DLC1: variants seen among roughly 807,000 people sequenced by gnomAD.
DLC1 encodes the protein DLC1 Rho GTPase activating protein.
DLC1 carries 54 observed loss-of-function variants against 140.3 expected under a neutral mutation model. That is an observed-to-expected ratio of 0.38 (90% CI 0.31 to 0.48). The LOEUF is 0.48. Ranked by LOEUF, DLC1 falls within the 20% of genes least tolerant of loss-of-function variation. The pLI is 0.96. For synonymous variants in DLC1, 986 were observed against 728.1 expected (o/e 1.35, Z -5.70); for missense variants, 2,536 against 1,907.0 (o/e 1.33, Z -6.14).
At chr8:13,365,318 A>T (rs1835429084) in intron 4 of DLC1, among the ~76,000 whole-genome samples, 1 of 152,158 alleles carries the variant, frequency 6.6e-6, no homozygotes, top group South Asian at 2.1e-4. Context: ...GCTTACTATT[A>T]TCTAAGGTGC....
chr8:13,084,756 G>C lies in DLC1; in HGVS notation c.*1055C>G, dbSNP rs1817416256. 6.6e-6 allele frequency: 1 copy of C among 152,148 alleles called. No homozygotes were observed. The highest frequency in any genetic ancestry group is 2.4e-5 in the African/African-American group (1 of 41,436). The allele number at this position is 152,148 out of a possible 1,614,324, so 9.4% of individuals were successfully genotyped here. A position where few individuals can be genotyped will look rare whatever the true frequency, so the allele number is the denominator to read the frequency against. ...GTTAACAACCAAAGGCGGGGAAAAA[G>C]CCTTTTGTAGGTGAGTTAAATTTAC... On this transcript the variant is annotated 3_prime_UTR_variant, in exon 18 of 18. Coordinates refer to ENST00000276297, the MANE Select transcript of DLC1 (RefSeq NM_182643.3).
chr8:13,322,878 C>A (rs182392272), intron 4 of DLC1, among the ~76,000 whole-genome samples: 1 of 151,928 alleles, frequency 6.6e-6, no homozygotes, highest in East Asian at 1.9e-4. Flanking sequence ...TGATGGTATG[C>A]GACTTCTGAC....
chr8:13,401,991 G>C (rs969686738), intron 2 of DLC1, among the ~76,000 whole-genome samples: 1 of 151,994 alleles, frequency 6.6e-6, no homozygotes, highest in African/African-American at 2.4e-5. Flanking sequence ...ATAATTATTT[G>C]TGGCTAGACA....
chr8:13,443,663 A>T (rs1798643927), intron 2 of DLC1, among the ~76,000 whole-genome samples: 1 of 151,544 alleles, frequency 6.6e-6, no homozygotes, highest in African/African-American at 2.4e-5. Context: ...GTCTCAAAAA[A>T]AAAAAAAAAA....
chr8:13,199,207 C>G (rs1827240763), intron 5 of DLC1, among the ~76,000 whole-genome samples: 1 of 98,660 alleles, frequency 1.0e-5, no homozygotes, highest in African/African-American at 4.1e-5. Context: ...TTTTTTGAGA[C>G]AAGATCTTGC....
At chr8:13,282,785 T>A (rs562675787) in intron 5 of DLC1, among the ~76,000 whole-genome samples, 1 of 152,220 alleles carries the variant, frequency 6.6e-6, no homozygotes, top group Admixed American at 6.5e-5. Context: ...TGCTTTAAAA[T>A]TGTGGTTATT....
At chr8:13,542,841 T>A (rs945689984) in intron 1 of DLC1, among the ~76,000 whole-genome samples, 4 of 152,154 alleles carry the variant, frequency 2.6e-5, no homozygotes, top group Non-Finnish European at 5.9e-5. Flanking sequence ...GTTAAATCAG[T>A]TATTGGTTCT....
chr8:13,589,628 A>T (rs73212172), intron 1 of DLC1, among the ~76,000 whole-genome samples: 1 of 150,106 alleles, frequency 6.7e-6, no homozygotes, highest in East Asian at 1.9e-4. Context: ...CTATTTACAC[A>T]TTTCTTATTT....
intron 2 of DLC1, among the ~76,000 whole-genome samples, chr8:13,406,198 T>TTTC (rs564377892): frequency 0.02 from 2,869 of 142,606 alleles, 155 homozygotes; most frequent in African/African-American, 0.07. Flanking sequence ...TTTTTTTTTT[T>TTTC]CAGTGGAGAC....
At chr8:13,415,304 G>A (rs1452668859) in intron 2 of DLC1, among the ~76,000 whole-genome samples, 1 of 151,756 alleles carries the variant, frequency 6.6e-6, no homozygotes, top group Non-Finnish European at 1.5e-5. Context: ...TTAGTCACTT[G>A]TTGTGAAAAA....
At position 13,397,422 on chromosome 8, in the gene DLC1, G is replaced by C. The variant is rs575683666; in HGVS notation, c.1174-3729C>G. Reference sequence around the variant, plus strand: ...CAGGAGAGCAGTGAAAGTCAAGGAAGAGAAGCAGGTAAATCACATCTGATG... The same window carrying C: ...CAGGAGAGCAGTGAAAGTCAAGGAACAGAAGCAGGTAAATCACATCTGATG... On this transcript the variant is annotated intron_variant, in intron 3 of 17. Coordinates refer to ENST00000276297, the MANE Select transcript of DLC1 (RefSeq NM_182643.3). Among the ~76,000 whole-genome samples the C allele has an allele frequency of 2.6e-5, 4 of 152,284 alleles. No individual in the cohort carries two copies. The South Asian group carries it at 8.3e-4, about 32-fold the overall frequency.
chr8:13,194,664 T>G (rs1197394021), intron 5 of DLC1, among the ~76,000 whole-genome samples: 1 of 152,202 alleles, frequency 6.6e-6, no homozygotes, highest in African/African-American at 2.4e-5. Flanking sequence ...AACCTTTTCA[T>G]AGTCAACTTG....
chr8:13,118,746 G>A (rs975546061), intron 5 of DLC1, among the ~76,000 whole-genome samples: 1 of 151,914 alleles, frequency 6.6e-6, no homozygotes, highest in Non-Finnish European at 1.5e-5. Flanking sequence ...CTACATGCGA[G>A]TCACACAGTT....
intron 2 of DLC1, among the ~76,000 whole-genome samples, chr8:13,404,283 G>A (rs1305910153): frequency 6.6e-6 from 1 of 152,064 alleles, no homozygotes; most frequent in East Asian, 1.9e-4. Context: ...TAGCATTTGT[G>A]GATTTCCGTG....
Position 13,120,356 on chromosome 8 carries a change from A to AAAAAAAATATATATATATAT in DLC1, c.1349-4700_1349-4699insATATATATATATATTTTTTT. Among the ~76,000 whole-genome samples, 129 of 61,088 alleles carry AAAAAAAATATATATATATAT rather than the reference A, an allele frequency of 2.1e-3. 5 individuals carry two copies. In the Middle Eastern group the frequency reaches 0.036, roughly 17 times the overall value. 40.1% of individuals were successfully genotyped at this position (61,088 alleles called of 152,430 possible). The stretch of plus-strand genomic sequence containing the variant: ...AGACTCCGTCGCAAAAAAAAAAAAA[A>AAAAAAAATATATATATATAT]ATATATATATATATAAAATGTATAT... On this transcript the variant is annotated intron_variant, in intron 5 of 17. Transcript: ENST00000276297.
intron 1 of DLC1, among the ~76,000 whole-genome samples, chr8:13,552,755 G>C (rs1275380275): frequency 1.3e-5 from 2 of 151,764 alleles, no homozygotes; most frequent in Non-Finnish European, 2.9e-5. Flanking sequence ...AAATGAGACT[G>C]AACTTTGTAT....
At chr8:13,356,833 CT>C (rs33955466) in intron 4 of DLC1, among the ~76,000 whole-genome samples, 3 of 151,348 alleles carry the variant, frequency 2.0e-5, no homozygotes, top group African/African-American at 4.8e-5. Context: ...ACACTTCACT[CT>C]TTTTTTTATT....
intron 3 of DLC1, among the ~76,000 whole-genome samples, chr8:13,401,040 C>T (rs1026399801): frequency 2.0e-5 from 3 of 152,182 alleles, no homozygotes; most frequent in African/African-American, 7.2e-5. Flanking sequence ...GTTAGTTCAA[C>T]TGGCATCCAT....
chr8:13,412,688 C>G (rs1189526280), intron 2 of DLC1, among the ~76,000 whole-genome samples: 2 of 151,972 alleles, frequency 1.3e-5, no homozygotes, highest in African/African-American at 4.8e-5. Flanking sequence ...AATCCCAGCA[C>G]TTTGGGAGGC....
Sources: gnomAD v4.1 joint callset for allele counts (sites outside exome capture counted in the v4.1 genomes callset) on GRCh38, gnomAD v4.1.1 for gene constraint, MANE v1.5 for transcripts, NCBI Gene and HGNC (gene_info 2026-07-23, HGNC 2026-07-21) for gene names.